GGNBP2: variants seen among roughly 807,000 people sequenced by gnomAD.
GGNBP2 encodes gametogenetin binding protein 2, also known as gametogenetin-binding protein 2.
Under a neutral mutation model 85.9 loss-of-function variants are expected in GGNBP2, and 10 were observed. The ratio of observed to expected loss-of-function variants is 0.12; its 90% CI spans 0.07 to 0.20. The LOEUF (loss-of-function observed/expected upper bound fraction) is 0.20, where lower values mean the gene tolerates loss of function less well. GGNBP2 is among the 10% of genes least tolerant of loss of function. GGNBP2 has a pLI of 1.00. For synonymous variants in GGNBP2, 287 were observed against 285.7 expected, an observed-to-expected ratio of 1.00 and a Z score of -0.05; for missense variants, 595 against 857.8, an observed-to-expected ratio of 0.69 and a Z score of 3.83.
chr17:36,586,486 T>C (rs756774893), intron 12 of GGNBP2: 40 of 389,582 alleles, frequency 1.0e-4, no homozygotes, highest in Non-Finnish European at 1.4e-4. Context: ...CCCTATCATA[T>C]TAGGTTCTAT....
At chr17:36,585,273 ACTCT>A in intron 9 of GGNBP2, 23 bp from the exon 10 acceptor site, 1 of 1,595,218 alleles carries the variant, frequency 6.3e-7, no homozygotes, top group Non-Finnish European at 8.5e-7. Context: ...AAAGCTCTTG[ACTCT>A]CTCTTAATGT....
intron 3 of GGNBP2, among the ~76,000 whole-genome samples, chr17:36,556,533 A>G (rs898318518): frequency 1.3e-5 from 2 of 152,054 alleles, no homozygotes; most frequent in Non-Finnish European, 2.9e-5. Flanking sequence ...GTGAAACCCC[A>G]TCTCTACTAA....
Position 36,557,226 on chromosome 17 carries a change from T to C in GGNBP2, c.318T>C (p.Ser106=). Residue 106 remains serine, a synonymous_variant, in exon 4 of 14, where the codon TCT becomes TCC. Coordinates refer to ENST00000613102, the MANE Select transcript of GGNBP2 (RefSeq NM_024835.5). ...GTCTCTTTTCCCAGCTTGTAGAGTC[T>C]GGAAATCCTGCTCTTGAACCCCTAA... ...VERLFSQLVE[S]GNPALEPLTV... is the part of the protein sequence containing the mutation. 1.2e-6 allele frequency: 2 copies of C among 1,614,124 alleles called. No homozygotes were observed. Among genetic ancestry groups the C allele is most frequent in the Middle Eastern group, 1.6e-4 (1 of 6,062 alleles).
chr17:36,552,622 A>G (rs1039956125), intron 2 of GGNBP2, among the ~76,000 whole-genome samples: 1 of 152,238 alleles, frequency 6.6e-6, no homozygotes, highest in Non-Finnish European at 1.5e-5. Flanking sequence ...CTGAGAAGGA[A>G]AACTAGAAAC....
intron 9 of GGNBP2, among the ~76,000 whole-genome samples, chr17:36,584,146 C>T (rs1274249300): frequency 6.6e-6 from 1 of 152,190 alleles, no homozygotes; most frequent in Non-Finnish European, 1.5e-5. Context: ...TTTGAAGTAA[C>T]AGATTGACTT....
chr17:36,556,750 G>GTTT (rs1283405170), intron 3 of GGNBP2, among the ~76,000 whole-genome samples: 1 of 93,826 alleles, frequency 1.1e-5, no homozygotes, highest in South Asian at 3.6e-4. Context: ...GCTGTATTGT[G>GTTT]CTTTTTTTTT....
chr17:36,567,902 G>T (rs2074483884), intron 6 of GGNBP2, 126 bp downstream of exon 6: 1 of 517,138 alleles, frequency 1.9e-6, no homozygotes, highest in Non-Finnish European at 3.5e-6. Flanking sequence ...TTGGCACTAG[G>T]CGGAGCTTAA....
chr17:36,547,514 C>T (rs1241005411), intron 2 of GGNBP2: 1 of 152,208 alleles, frequency 6.6e-6, no homozygotes, highest in Non-Finnish European at 1.5e-5. Context: ...TTTGTGAATG[C>T]AGCACATTAA....
intron 4 of GGNBP2, among the ~76,000 whole-genome samples, chr17:36,559,235 T>C (rs1168699427): frequency 1.4e-5 from 2 of 142,774 alleles, no homozygotes; most frequent in Admixed American, 1.5e-4. Context: ...AGGCGGAGGT[T>C]GCAGTGAGGC....
intron 4 of GGNBP2, among the ~76,000 whole-genome samples, chr17:36,558,358 T>G (rs1304217957): frequency 8.3e-6 from 1 of 120,876 alleles, no homozygotes; most frequent in Non-Finnish European, 1.6e-5. Flanking sequence ...GCAGTTGCAG[T>G]GAGCTGAGAT....
At chr17:36,552,096 G>A (rs1369802678) in intron 2 of GGNBP2, among the ~76,000 whole-genome samples, 1 of 152,194 alleles carries the variant, frequency 6.6e-6, no homozygotes, top group Non-Finnish European at 1.5e-5. Context: ...GTGAAATGGT[G>A]TATATTTGTA....
At chr17:36,579,777 G>A (rs1483230204) in intron 8 of GGNBP2, among the ~76,000 whole-genome samples, 1 of 152,152 alleles carries the variant, frequency 6.6e-6, no homozygotes, top group African/African-American at 2.4e-5. Context: ...TTGGGAGGAC[G>A]AGGCAGGCGG....
At chr17:36,587,562 C>G (rs558901920) in intron 13 of GGNBP2, 1 of 276,046 alleles carries the variant, frequency 3.6e-6, no homozygotes, top group South Asian at 5.5e-5. Flanking sequence ...CATTCAACAT[C>G]CCAATAAACC....
chr17:36,584,682 C>G (rs1218804046), intron 9 of GGNBP2, among the ~76,000 whole-genome samples: 1 of 152,186 alleles, frequency 6.6e-6, no homozygotes, highest in Admixed American at 6.5e-5. Flanking sequence ...GGCGTGGAGG[C>G]TCATGCCTGT....
chr17:36,575,648 A>ATATATTTTTTT (rs374366757), intron 6 of GGNBP2, among the ~76,000 whole-genome samples: 6 of 54,912 alleles, frequency 1.1e-4, no homozygotes, highest in African/African-American at 4.4e-4. Flanking sequence ...ATATATATAT[A>ATATATTTTTTT]TTTTTTTTTT....
At chr17:36,576,639 A>T (rs1243444383) in intron 6 of GGNBP2, 1 of 130,174 alleles carries the variant, frequency 7.7e-6, no homozygotes. Flanking sequence ...GTATATGTAT[A>T]TATGTATATG....
intron 4 of GGNBP2, 150 bp downstream of exon 4, chr17:36,557,486 C>A: frequency 1.5e-6 from 1 of 681,330 alleles, no homozygotes; most frequent in South Asian, 1.9e-5. Context: ...AAAGTTTCAA[C>A]TCTCCACGTG....
chr17:36,555,076 G>A (rs2074349413), intron 3 of GGNBP2, among the ~76,000 whole-genome samples, 176 bp downstream of exon 3: 1 of 152,106 alleles, frequency 6.6e-6, no homozygotes, highest in African/African-American at 2.4e-5. Context: ...TTATGTAACT[G>A]CCATGTGAAA....
intron 2 of GGNBP2, among the ~76,000 whole-genome samples, chr17:36,552,462 A>G (rs991429155): frequency 8.5e-5 from 13 of 152,212 alleles, no homozygotes; most frequent in Admixed American, 1.3e-4. Flanking sequence ...GATTATTGAT[A>G]GCTACAGCAT....
Sources: allele counts gnomAD v4.1 joint callset (sites outside exome capture counted in the v4.1 genomes callset), GRCh38; gene constraint gnomAD v4.1.1; transcripts MANE v1.5; gene names NCBI Gene and HGNC (gene_info 2026-07-23, HGNC 2026-07-21).